VTI1A: variants seen among roughly 807,000 people sequenced by gnomAD.
The protein encoded by VTI1A is vesicle transport through interaction with t-SNAREs homolog 1A.
VTI1A carries 22 observed loss-of-function variants against 34.9 expected under a neutral mutation model. That is an observed-to-expected ratio of 0.63 (90% CI 0.45 to 0.90). The LOEUF is 0.90. Ranked by LOEUF, VTI1A falls within the 40% of genes least tolerant of loss-of-function variation. The pLI, the probability that VTI1A is intolerant of heterozygous loss-of-function variation, is 0.00. For missense variants in VTI1A, 268 were observed against 275.6 expected, an observed-to-expected ratio of 0.97 and a Z score of 0.20; for synonymous variants, 87 against 97.3, an observed-to-expected ratio of 0.89 and a Z score of 0.62.
At chr10:112,673,690 C>T (rs17130002) in intron 7 of VTI1A, among the ~76,000 whole-genome samples, 9,028 of 152,222 alleles carry the variant, frequency 0.059, 901 homozygotes, top group African/African-American at 0.21. Flanking sequence ...GAGTTACTTT[C>T]GAGTTAGCCT....
chr10:112,516,114 A>C (rs1849765833), intron 3 of VTI1A, among the ~76,000 whole-genome samples: 1 of 152,096 alleles, frequency 6.6e-6, no homozygotes, highest in African/African-American at 2.4e-5. Context: ...ATAAAAGCAA[A>C]CTGAATGCCA....
intron 5 of VTI1A, among the ~76,000 whole-genome samples, chr10:112,543,847 AT>A (rs1232155151): frequency 1.3e-5 from 2 of 152,158 alleles, no homozygotes; most frequent in Non-Finnish European, 2.9e-5. Context: ...TCTTGAATTA[AT>A]TTTTGTATAA....
chr10:112,704,431 A>ATTTTTC (rs1417234358), intron 7 of VTI1A, among the ~76,000 whole-genome samples: 5 of 152,080 alleles, frequency 3.3e-5, no homozygotes, highest in Non-Finnish European at 7.4e-5. Flanking sequence ...TAAAGGGCCT[A>ATTTTTC]TTTTTCTTTT....
chr10:112,768,387 T>C (rs1488977698), intron 7 of VTI1A, among the ~76,000 whole-genome samples: 1 of 152,184 alleles, frequency 6.6e-6, no homozygotes, highest in Non-Finnish European at 1.5e-5. Context: ...TAGAAGACTC[T>C]TAGCTTTGCA....
rs183842196 is a variant in VTI1A at position 112,763,408 on chromosome 10, C to T, written c.561-51882C>T. Among the ~76,000 whole-genome samples, 482 of 148,212 alleles carry T rather than the reference C, an allele frequency of 3.3e-3. 5 individuals are homozygous for T. Among genetic ancestry groups the T allele is most frequent in the African/African-American group, 0.012 (465 of 39,976 alleles). ...GAGCAGAGATCACGCCACTGCACTC[C>T]AGCCTGGGCTACAGAGCGAGACACC... is the stretch of plus-strand genomic sequence containing the variant. On this transcript the variant is annotated intron_variant, in intron 7 of 7. Transcript: ENST00000393077.
intron 7 of VTI1A, among the ~76,000 whole-genome samples, chr10:112,734,186 T>G (rs1850373658): frequency 1.3e-5 from 2 of 152,214 alleles, no homozygotes; most frequent in South Asian, 4.2e-4. Context: ...CACCTCAAAA[T>G]AGGGTTCAAG....
chr10:112,798,661 A>G (rs1304386102), intron 7 of VTI1A, among the ~76,000 whole-genome samples: 5 of 152,104 alleles, frequency 3.3e-5, no homozygotes, highest in African/African-American at 9.7e-5. Context: ...CAAATCCACA[A>G]ATACGGTTCT....
At chr10:112,738,444 C>A (rs999385220) in intron 7 of VTI1A, among the ~76,000 whole-genome samples, 2 of 152,118 alleles carry the variant, frequency 1.3e-5, no homozygotes, top group South Asian at 4.1e-4. Context: ...TCCTTGAGGA[C>A]GGGGAGTGTG....
In VTI1A at chr10:112,505,587, A is replaced by G. The variant is rs190987085; in HGVS notation, c.265-21500A>G. Among the ~76,000 whole-genome samples the G allele has an allele frequency of 8.3e-4, 127 of 152,158 alleles. 1 individual carries two copies. The highest frequency in any genetic ancestry group is 3.0e-3 in the African/African-American group (125 of 41,534). On this transcript the variant is annotated intron_variant, in intron 3 of 7. Coordinates refer to ENST00000393077, the MANE Select transcript of VTI1A (RefSeq NM_145206.4). ...AAACAGCTTTATTGAGATATACTTGACATATATGTGGCTGTGCGTAAACTA... is the reference window on the plus strand; with the variant it reads ...AAACAGCTTTATTGAGATATACTTGGCATATATGTGGCTGTGCGTAAACTA...
At chr10:112,776,071 G>A (rs1851947525) in intron 7 of VTI1A, among the ~76,000 whole-genome samples, 1 of 152,240 alleles carries the variant, frequency 6.6e-6, no homozygotes, top group Admixed American at 6.5e-5. Context: ...ACTTGGTGCA[G>A]AGTCTATTGA....
At chr10:112,796,126 C>T (rs181075511) in intron 7 of VTI1A, among the ~76,000 whole-genome samples, 130 of 152,206 alleles carry the variant, frequency 8.5e-4, no homozygotes, top group African/African-American at 2.6e-3. Flanking sequence ...GGGCCACGCG[C>T]GGTGGCTGCC....
intron 7 of VTI1A, among the ~76,000 whole-genome samples, chr10:112,741,763 G>A (rs567244025): frequency 1.3e-5 from 2 of 152,162 alleles, no homozygotes; most frequent in Admixed American, 6.5e-5. Flanking sequence ...AGAAAAAAGG[G>A]GGAAATGCTT....
chr10:112,804,098 C>T (rs112196972), intron 7 of VTI1A, among the ~76,000 whole-genome samples: 64 of 152,342 alleles, frequency 4.2e-4, no homozygotes, highest in Non-Finnish European at 8.1e-4. Context: ...TGATCTAAAC[C>T]CATCGGACTT....
At chr10:112,562,350 G>A (rs1019863458) in intron 5 of VTI1A, among the ~76,000 whole-genome samples, 2 of 152,106 alleles carry the variant, frequency 1.3e-5, no homozygotes, top group Non-Finnish European at 2.9e-5. Context: ...TTACCTTGCA[G>A]TTCTGCTTGG....
chr10:112,730,049 T>C (rs1312557966), intron 7 of VTI1A, among the ~76,000 whole-genome samples: 4 of 152,242 alleles, frequency 2.6e-5, no homozygotes, highest in African/African-American at 4.8e-5. Flanking sequence ...TCTCTGGAGC[T>C]GAATCTCACT....
intron 3 of VTI1A, among the ~76,000 whole-genome samples, chr10:112,502,666 C>G (rs559888106): frequency 3.9e-5 from 6 of 152,266 alleles, no homozygotes; most frequent in African/African-American, 1.4e-4. Flanking sequence ...CTTCCCAACT[C>G]GTGCTTATGA....
intron 7 of VTI1A, among the ~76,000 whole-genome samples, chr10:112,758,449 C>G (rs765638629): frequency 1.3e-5 from 2 of 152,166 alleles, no homozygotes; most frequent in Non-Finnish European, 2.9e-5. Flanking sequence ...GGACACCATC[C>G]TAGACCTGCT....
intron 5 of VTI1A, among the ~76,000 whole-genome samples, chr10:112,640,299 G>T (rs1846518768): frequency 6.6e-6 from 1 of 152,092 alleles, no homozygotes; most frequent in South Asian, 2.1e-4. Context: ...GAAGCATAAA[G>T]TCCCACTGTT....
At chr10:112,561,381 C>T (rs558610548) in intron 5 of VTI1A, among the ~76,000 whole-genome samples, 3 of 152,132 alleles carry the variant, frequency 2.0e-5, no homozygotes, top group Non-Finnish European at 4.4e-5. Flanking sequence ...GTTGCTTTAT[C>T]AATCATTGGA....
Sources: gnomAD v4.1 joint callset for allele counts (sites outside exome capture counted in the v4.1 genomes callset) on GRCh38, gnomAD v4.1.1 for gene constraint, MANE v1.5 for transcripts, NCBI Gene and HGNC (gene_info 2026-07-23, HGNC 2026-07-21) for gene names.